Variants in PDE6B observed in about 807,000 individuals in gnomAD.
PDE6B encodes rod cGMP-specific 3',5'-cyclic phosphodiesterase subunit beta.
A neutral mutation model predicts 109.0 loss-of-function variants in PDE6B; 106 were observed. That is an observed-to-expected ratio of 0.97 (90% CI 0.83 to 1.14). The LOEUF (loss-of-function observed/expected upper bound fraction) is 1.14, where lower values mean the gene tolerates loss of function less well. Among genes scored for constraint, PDE6B ranks in the 50% most tolerant of loss-of-function variants. PDE6B has a pLI of 0.00. For missense variants in PDE6B, 1,193 were observed against 1,155.6 expected, an observed-to-expected ratio of 1.03 and a Z score of -0.47; for synonymous variants, 490 against 471.3, an observed-to-expected ratio of 1.04 and a Z score of -0.51.
At position 648,207 on chromosome 4, in the gene PDE6B, T is replaced by G. The variant is rs1333787146; in HGVS notation, c.712-5645T>G. ...AAACTCCTTGTTTCCAGCCTCTCAGTCTGCAGGCATGTGGAGACCAGCTCA... is the reference window on the plus strand; with the variant it reads ...AAACTCCTTGTTTCCAGCCTCTCAGGCTGCAGGCATGTGGAGACCAGCTCA... On this transcript the variant is annotated intron_variant, in intron 3 of 21. Transcript: ENST00000496514. This position sits in a 1 kb window ranked among gnomAD's most constrained non-coding sequence, Gnocchi z 4.5. 2.0e-5 allele frequency among the ~76,000 whole-genome samples: 3 copies of G among 152,014 alleles called. No homozygotes were observed. The highest frequency in any genetic ancestry group is 4.4e-5 in the Non-Finnish European group (3 of 68,034).
At chr4:650,353 G>A (rs1433932803) in intron 3 of PDE6B, among the ~76,000 whole-genome samples, 1 of 152,142 alleles carries the variant, frequency 6.6e-6, no homozygotes, top group Non-Finnish European at 1.5e-5. Context: ...TGGGTGTCCG[G>A]CCCCCCCTGT....
chr4:662,276 G>A lies in PDE6B; in HGVS notation c.1722+35G>A. 8.1e-7 allele frequency: 1 copy of A among 1,229,404 alleles called. No individual in the cohort carries two copies. Among genetic ancestry groups the A allele is most frequent in the Non-Finnish European group, 1.2e-6 (1 of 853,450 alleles). 76.2% of individuals were successfully genotyped at this position (1,229,404 alleles called of 1,614,324 possible). A position where few individuals can be genotyped will look rare whatever the true frequency, so the allele number is the denominator to read the frequency against. Reference sequence around the variant, plus strand: ...TGCCAGAATCACCAGGGTTGTGCAGGCCCTCCTGGTACCAAGGGCAGCACT... The same window carrying A: ...TGCCAGAATCACCAGGGTTGTGCAGACCCTCCTGGTACCAAGGGCAGCACT... On this transcript the variant is annotated intron_variant, in intron 13 of 21. Coordinates refer to ENST00000496514, the MANE Select transcript of PDE6B (RefSeq NM_000283.4). The surrounding 1 kb of genome is among the most constrained non-coding windows in gnomAD (Gnocchi z 4.3).
Position 664,881 on chromosome 4 carries a change from G to A in PDE6B, c.2130G>A (p.Met710Ile). Residue 710 changes from methionine to isoleucine, a missense_variant and splice_region_variant, in exon 18 of 22, where the codon ATG becomes ATA. Physicochemically the swap from Met to Ile is conservative, Grantham distance 10 (BLOSUM62 1). Transcript: ENST00000496514. The part of the protein sequence containing the change: ...SLETTRKEIV[M>I]AMMMTACDLS... Reference sequence around the variant, plus strand: ...ACTCGTGCCCGGTTTGTGTCTGCAGGGCCATGATGATGACAGCCTGCGACC... The same window carrying A: ...ACTCGTGCCCGGTTTGTGTCTGCAGAGCCATGATGATGACAGCCTGCGACC... 1 of 1,613,046 alleles carries A rather than the reference G, an allele frequency of 6.2e-7. No individual in the cohort carries two copies. Among genetic ancestry groups the A allele is most frequent in the Non-Finnish European group, 8.5e-7 (1 of 1,179,736 alleles).
At position 641,797 on chromosome 4, in the gene PDE6B, T is replaced by C. The variant is rs187364482; in HGVS notation, c.711+5828T>C. ...AAGTAGCTGAGACTACTGATGTGCA[T>C]CACCATGCCCACCTAATTTTTGTAT... is the stretch of plus-strand genomic sequence containing the variant. On this transcript the variant is annotated intron_variant, in intron 3 of 21. Transcript: ENST00000496514. 9.6e-3 allele frequency among the ~76,000 whole-genome samples: 1,464 copies of C among 152,186 alleles called. 19 individuals are homozygous for C. The highest frequency in any genetic ancestry group is 0.041 in the Middle Eastern group (12 of 294).
In PDE6B at chr4:654,746, C is replaced by T. The variant is rs1029300550; in HGVS notation, c.928-78C>T. On this transcript the variant is annotated intron_variant, in intron 5 of 21. Transcript: ENST00000496514. ...GCATGCGTGTGGCTGTGTGTAGCTG[C>T]ATGTAGCTGTGTGTGTGTGTGTGAG... 7.2e-6 allele frequency: 6 copies of T among 831,326 alleles called. No homozygotes were observed. In the African/African-American group the frequency reaches 1.0e-4, roughly 14 times the overall value. The allele number at this position is 831,326 out of a possible 1,614,324, so 51.5% of individuals were successfully genotyped here.
intron 11 of PDE6B, among the ~76,000 whole-genome samples, 195 bp from the exon 12 acceptor site, chr4:660,272 G>A (rs560209783): frequency 2.0e-5 from 3 of 152,342 alleles, no homozygotes; most frequent in South Asian, 4.1e-4. Flanking sequence ...CAGGGTACAA[G>A]AGGGGAGAGT....
intron 2 of PDE6B, among the ~76,000 whole-genome samples, 168 bp downstream of exon 2, chr4:634,997 G>A (rs1263371369): frequency 8.7e-6 from 1 of 115,068 alleles, no homozygotes; most frequent in Non-Finnish European, 1.8e-5. Flanking sequence ...TCTGTGCTGC[G>A]TGTCTGCCTC....
intron 12 of PDE6B, 200 bp from the exon 13 acceptor site, chr4:661,934 G>C (rs934921537): frequency 1.8e-5 from 11 of 619,154 alleles, no homozygotes; most frequent in Middle Eastern, 8.6e-4. Context: ...CCCCATAGGT[G>C]CCAATGTGGC....
intron 1 of PDE6B, among the ~76,000 whole-genome samples, chr4:628,908 G>A (rs73792334): frequency 7.2e-4 from 110 of 152,356 alleles, no homozygotes; most frequent in African/African-American, 2.2e-3. Context: ...GAGACACAGC[G>A]AATCCCAGGG....
At chr4:652,770 C>T (rs1009204637) in intron 3 of PDE6B, 1 of 152,586 alleles carries the variant, frequency 6.6e-6, no homozygotes, top group African/African-American at 2.4e-5. Context: ...TGAACATCCT[C>T]GGATTTTGTT....
chr4:664,061 G>C, intron 16 of PDE6B, 53 bp from the exon 17 acceptor site: 1 of 1,318,132 alleles, frequency 7.6e-7, no homozygotes, highest in Admixed American at 1.7e-5. Context: ...GGCGCTTGGG[G>C]CGGGGTCTCC....
At chr4:629,044 G>A (rs76399812) in intron 1 of PDE6B, among the ~76,000 whole-genome samples, 1,644 of 152,300 alleles carry the variant, frequency 0.011, 27 homozygotes, top group African/African-American at 0.036. Flanking sequence ...CCCAGAAGGC[G>A]GACACCAGGC....
rs762366124 is a variant in PDE6B, at chr4:634,817, C to T, written c.609C>T (p.Ser203=). 3.2e-5 allele frequency: 52 copies of T among 1,613,652 alleles called. No homozygotes were observed. The highest frequency in any genetic ancestry group is 3.3e-5 in the Non-Finnish European group (39 of 1,179,754). Residue 203 remains serine (S), a synonymous_variant, in exon 2 of 22, where the codon AGC becomes AGT. Transcript: ENST00000496514. ...AGCTCAACGGCCCATTCTTCACCAGCGAAGACGAAGATGTGAGTGTGGGGG... is the reference window on the plus strand; with the variant it reads ...AGCTCAACGGCCCATTCTTCACCAGTGAAGACGAAGATGTGAGTGTGGGGG... ...VNKLNGPFFT[S]EDEDVFLKYL... is the part of the protein sequence containing the mutation.
In PDE6B at chr4:657,380, G is replaced by A. The variant is rs759351497; in HGVS notation, c.1287G>A (p.Val429=). The stretch of plus-strand genomic sequence containing the variant: ...TGACACAGTTCCTGGGCTGGTCAGT[G>A]ATGAACACCGACACCTACGACAAGA... The part of the protein sequence containing the change: ...ESLTQFLGWS[V]MNTDTYDKMN... The change falls in exon 10 of 22, where the codon GTG becomes GTA. Residue 429 remains valine (V), a synonymous_variant. Coordinates refer to ENST00000496514, the MANE Select transcript of PDE6B (RefSeq NM_000283.4). 5.6e-5 allele frequency: 91 copies of A among 1,613,090 alleles called. No individual in the cohort carries two copies. Among genetic ancestry groups the A allele is most frequent in the Non-Finnish European group, 7.6e-5 (90 of 1,179,886 alleles).
chr4:634,856 C>A, intron 2 of PDE6B, 27 bp downstream of exon 2: 1 of 1,607,016 alleles, frequency 6.2e-7, no homozygotes, highest in South Asian at 1.1e-5. Context: ...CCTGGGCAGC[C>A]GCGCGTCTGC....
At position 634,766 on chromosome 4, in the gene PDE6B, C is replaced by T. The variant is rs371920663; in HGVS notation, c.558C>T (p.Val186=). 19 of 1,613,560 alleles carry T rather than the reference C, an allele frequency of 1.2e-5. No individual in the cohort carries two copies. The African/African-American group carries it at 1.6e-4, about 14-fold the overall frequency. ...LATPIMNGKD[V]VAVIMAVNKL... ...CACCCATCATGAATGGCAAAGACGT[C>T]GTGGCGGTGATCATGGCAGTGAACA... The change falls in exon 2 of 22, where the codon GTC becomes GTT. Residue 186 remains valine, a synonymous_variant. Transcript: ENST00000496514.
At chr4:659,616 G>T (rs979958522) in intron 11 of PDE6B, among the ~76,000 whole-genome samples, 2 of 107,070 alleles carry the variant, frequency 1.9e-5, no homozygotes, top group Non-Finnish European at 3.9e-5. Context: ...TGTGTGCATT[G>T]TATGAATGTG....
chr4:670,018 A>G, intron 21 of PDE6B, 28 bp from the exon 22 acceptor site: 2 of 1,603,916 alleles, frequency 1.2e-6, no homozygotes, highest in Non-Finnish European at 1.7e-6. Context: ...AGGTGGTTCC[A>G]CTCACCATCT....
At chr4:664,338 C>A in intron 17 of PDE6B, 117 bp downstream of exon 17, 1 of 726,350 alleles carries the variant, frequency 1.4e-6, no homozygotes, top group Non-Finnish European at 2.5e-6. Flanking sequence ...GAGCCCGTCG[C>A]GGCAGCTTGT....
Sources: allele counts gnomAD v4.1 joint callset (sites outside exome capture counted in the v4.1 genomes callset), GRCh38; gene constraint gnomAD v4.1.1; non-coding constraint Gnocchi (gnomAD v3.1); transcripts MANE v1.5; gene names NCBI Gene and HGNC (gene_info 2026-07-23, HGNC 2026-07-21).